CDH13: variants seen among roughly 807,000 people sequenced by gnomAD.
CDH13 encodes cadherin 13.
CDH13 carries 24 observed loss-of-function variants against 63.8 expected under a neutral mutation model. The ratio of observed to expected loss-of-function variants is 0.38; its 90% CI spans 0.27 to 0.53. The LOEUF (loss-of-function observed/expected upper bound fraction) is 0.53, where lower values mean the gene tolerates loss of function less well. Among genes scored for constraint, CDH13 ranks in the 20% least tolerant of loss-of-function variants. CDH13 has a pLI of 0.85. For synonymous variants in CDH13, 503 were observed against 355.3 expected (o/e 1.42, Z -4.67); for missense variants, 1,049 against 903.1 (o/e 1.16, Z -2.07).
At chr16:83,781,910 T>C (rs1915549770) in intron 12 of CDH13, among the ~76,000 whole-genome samples, 1 of 150,748 alleles carries the variant, frequency 6.6e-6, no homozygotes, top group African/African-American at 2.4e-5. Context: ...ATCCTGCTCA[T>C]GTACCCCGGA....
chr16:83,007,649 G>A (rs1184624035), intron 2 of CDH13, among the ~76,000 whole-genome samples: 1 of 151,970 alleles, frequency 6.6e-6, no homozygotes, highest in Non-Finnish European at 1.5e-5. Context: ...AGGCAGCATG[G>A]CAAAACCCTG....
At position 82,806,375 on chromosome 16, in the gene CDH13, A is replaced by C. The variant is rs922704476; in HGVS notation, c.46-51987A>C. Among the ~76,000 whole-genome samples, 8 of 152,334 alleles carry C rather than the reference A, an allele frequency of 5.3e-5. No individual in the cohort carries two copies. In the East Asian group the frequency reaches 1.3e-3, roughly 26 times the overall value. ...TTCTTCCCTGTCTACCATTGAAGGT[A>C]CAAAACGTATACCAGACACCTTTAA... On this transcript the variant is annotated intron_variant, in intron 1 of 13. Coordinates refer to ENST00000567109, the MANE Select transcript of CDH13 (RefSeq NM_001257.5).
chr16:83,183,428 TGAGG>T (rs943741879), intron 4 of CDH13, among the ~76,000 whole-genome samples: 1 of 152,078 alleles, frequency 6.6e-6, no homozygotes, highest in African/African-American at 2.4e-5. Context: ...AACTAGTGAG[TGAGG>T]AAGATCTATA....
chr16:83,158,287 C>T (rs904614741), intron 4 of CDH13, among the ~76,000 whole-genome samples: 2 of 152,166 alleles, frequency 1.3e-5, no homozygotes, highest in African/African-American at 2.4e-5. Context: ...GTTTCCTGCT[C>T]CCTCCCCACC....
chr16:82,746,337 T>C (rs985497777), intron 1 of CDH13, among the ~76,000 whole-genome samples: 2 of 148,864 alleles, frequency 1.3e-5, no homozygotes, highest in Non-Finnish European at 3.0e-5. Context: ...CATACTCAAA[T>C]AGAGATGATA....
At chr16:83,244,489 C>G (rs902386634) in intron 5 of CDH13, among the ~76,000 whole-genome samples, 1 of 152,136 alleles carries the variant, frequency 6.6e-6, no homozygotes, top group Non-Finnish European at 1.5e-5. Context: ...GTTTAACATA[C>G]ATTCTCTAAG....
intron 8 of CDH13, among the ~76,000 whole-genome samples, chr16:83,615,129 T>C (rs1909177692): frequency 6.6e-6 from 1 of 152,182 alleles, no homozygotes; most frequent in Admixed American, 6.5e-5. Flanking sequence ...AGAAGTCTAA[T>C]TGAAGTAAAT....
chr16:83,087,945 C>A (rs7201707), intron 3 of CDH13, among the ~76,000 whole-genome samples: 51,494 of 152,036 alleles, frequency 0.34, 9,301 homozygotes, highest in Middle Eastern at 0.55. Context: ...TGAACACTCA[C>A]TTTGGAATAG....
intron 6 of CDH13, among the ~76,000 whole-genome samples, chr16:83,465,947 A>T (rs908009692): frequency 4.6e-5 from 7 of 152,358 alleles, no homozygotes; most frequent in South Asian, 2.1e-4. Context: ...AAAGTCACCC[A>T]GAGGCGATCT....
intron 1 of CDH13, among the ~76,000 whole-genome samples, chr16:82,787,841 A>AGTGTGTGTGTGTGTGTGTGTGTGTGT (rs10528183): frequency 0.28 from 40,807 of 146,566 alleles, 6,597 homozygotes; most frequent in South Asian, 0.4. Context: ...GAAGGGAGGA[A>AGTGTGTGTGTGTGTGTGTGTGTGTGT]GTGTGTGTGT....
At chr16:82,967,647 C>T (rs1029641997) in intron 2 of CDH13, among the ~76,000 whole-genome samples, 1 of 149,884 alleles carries the variant, frequency 6.7e-6, no homozygotes, top group Non-Finnish European at 1.5e-5. Flanking sequence ...AAAGCCAGGT[C>T]GGAGAACAGA....
chr16:82,682,864 G>C lies in CDH13; in HGVS notation c.45+55727G>C, dbSNP rs956557233. Among the ~76,000 whole-genome samples, 3 of 152,290 alleles carry C rather than the reference G, an allele frequency of 2.0e-5. No individual in the cohort carries two copies. In the East Asian group the frequency reaches 5.8e-4, roughly 29 times the overall value. Reference sequence around the variant, plus strand: ...AGGACTGGTGCTTCCCCTGAGCCATGACCCAGCCACAGTTAGGAATTAAGG... The same window carrying C: ...AGGACTGGTGCTTCCCCTGAGCCATCACCCAGCCACAGTTAGGAATTAAGG... On this transcript the variant is annotated intron_variant, in intron 1 of 13. Transcript: ENST00000567109.
intron 6 of CDH13, among the ~76,000 whole-genome samples, chr16:83,458,970 AACG>A (rs1196734609): frequency 6.6e-6 from 1 of 152,252 alleles, no homozygotes; most frequent in African/African-American, 2.4e-5. Flanking sequence ...CAGATGATGA[AACG>A]ACAATTTTTC....
At position 82,987,842 on chromosome 16, in the gene CDH13, C is replaced by T. The variant is rs141589604; in HGVS notation, c.158-44168C>T. 1.2e-3 allele frequency among the ~76,000 whole-genome samples: 182 copies of T among 152,320 alleles called. 3 individuals are homozygous for T. The highest frequency in any genetic ancestry group is 6.8e-3 in the Middle Eastern group (2 of 294). ...CTCAAGGATTTTGTGTTGGGTTGCC[C>T]CATCTCTTGCTTTGTGATTCTGCCT... On this transcript the variant is annotated intron_variant, in intron 2 of 13. Coordinates refer to ENST00000567109, the MANE Select transcript of CDH13 (RefSeq NM_001257.5).
intron 3 of CDH13, among the ~76,000 whole-genome samples, chr16:83,063,896 A>T (rs1422156848): frequency 6.6e-6 from 1 of 152,046 alleles, no homozygotes; most frequent in Non-Finnish European, 1.5e-5. Flanking sequence ...TTGCAGGGAG[A>T]GTCCTGGGAA....
chr16:82,750,180 G>A (rs557940483), intron 1 of CDH13, among the ~76,000 whole-genome samples: 2 of 152,310 alleles, frequency 1.3e-5, no homozygotes, highest in South Asian at 2.1e-4. Flanking sequence ...GAGGGCAGCG[G>A]TTGTAAACAG....
chr16:83,530,605 C>T (rs927519665), intron 7 of CDH13, among the ~76,000 whole-genome samples: 8 of 152,210 alleles, frequency 5.3e-5, no homozygotes, highest in South Asian at 2.1e-4. Flanking sequence ...ACATCAACCA[C>T]GCACCAACCA....
intron 4 of CDH13, among the ~76,000 whole-genome samples, chr16:83,131,625 A>G (rs1186226621): frequency 6.6e-6 from 1 of 152,240 alleles, no homozygotes; most frequent in Non-Finnish European, 1.5e-5. Context: ...TCTGTAAGCC[A>G]GCAGGGAGGT....
chr16:83,205,603 CTTTTTTTT>C (rs141688507), intron 4 of CDH13, among the ~76,000 whole-genome samples: 1 of 104,426 alleles, frequency 9.6e-6, no homozygotes, highest in Non-Finnish European at 2.0e-5. Context: ...AGAGGAAAAC[CTTTTTTTT>C]TTTTTTTTTT....
Sources: allele counts gnomAD v4.1 joint callset (sites outside exome capture counted in the v4.1 genomes callset), GRCh38; gene constraint gnomAD v4.1.1; transcripts MANE v1.5; gene names NCBI Gene and HGNC (gene_info 2026-07-23, HGNC 2026-07-21).